DDX56: variants seen among roughly 807,000 people sequenced by gnomAD.
DDX56 encodes probable ATP-dependent RNA helicase DDX56.
DDX56 carries 45 observed loss-of-function variants against 61.5 expected under a neutral mutation model. The ratio of observed to expected loss-of-function variants is 0.73; its 90% CI spans 0.58 to 0.94. The LOEUF is 0.94. DDX56 is among the 40% of genes least tolerant of loss of function. The pLI is 0.00. For missense variants in DDX56, 708 were observed against 690.7 expected, an observed-to-expected ratio of 1.02 and a Z score of -0.28; for synonymous variants, 273 against 268.3, an observed-to-expected ratio of 1.02 and a Z score of -0.17.
rs1269571574 is a variant in DDX56, at chr7:44,565,960, T to C, written c.*42A>G. ...CGCCTGTCCACGAAGGGTGTAAGCCTGTGCTCCACAATGTGCTCAGCTCCA... is the reference window on the plus strand; with the variant it reads ...CGCCTGTCCACGAAGGGTGTAAGCCCGTGCTCCACAATGTGCTCAGCTCCA... On this transcript the variant is annotated 3_prime_UTR_variant, in exon 14 of 14. Coordinates refer to ENST00000258772, the MANE Select transcript of DDX56 (RefSeq NM_019082.4). 2 of 1,470,306 alleles carry C rather than the reference T, an allele frequency of 1.4e-6. No homozygotes were observed. Among genetic ancestry groups the C allele is most frequent in the Admixed American group, 3.4e-5 (2 of 58,030 alleles). 91.1% of individuals were successfully genotyped at this position (1,470,306 alleles called of 1,614,324 possible). A position where few individuals can be genotyped will look rare whatever the true frequency, so the allele number is the denominator to read the frequency against.
chr7:44,572,792 A>T, intron 3 of DDX56, 48 bp from the exon 4 acceptor site: 1 of 1,609,422 alleles, frequency 6.2e-7, no homozygotes, highest in Non-Finnish European at 8.5e-7. Context: ...AGCAGCTGGG[A>T]TCTCACCCTG....
intron 12 of DDX56, chr7:44,567,770 T>C (rs978304704): frequency 6.2e-5 from 22 of 356,556 alleles, no homozygotes; most frequent in Non-Finnish European, 1.1e-4. Context: ...CTCTGCCTCC[T>C]GCCCGTGACT....
At chr7:44,570,911 C>T in intron 6 of DDX56, 34 bp from the exon 7 acceptor site, 1 of 1,596,022 alleles carries the variant, frequency 6.3e-7, no homozygotes, top group Non-Finnish European at 8.6e-7. Context: ...ATCAGCTCAG[C>T]AGAGCAAGCT....
chr7:44,571,488 A>C lies in DDX56; in HGVS notation c.890+4T>G. On this transcript the variant is annotated splice_donor_region_variant and intron_variant, in intron 6 of 13. Transcript: ENST00000258772. Reference sequence around the variant, plus strand: ...TTTCAACCAAGATGTTGGCTGTGGCAGACCTGGAGCGCAGTGGAAGCTCTC... The same window carrying C: ...TTTCAACCAAGATGTTGGCTGTGGCCGACCTGGAGCGCAGTGGAAGCTCTC... The C allele has an allele frequency of 6.2e-7, 1 of 1,613,082 alleles. No individual in the cohort carries two copies. The highest frequency in any genetic ancestry group is 8.5e-7 in the Non-Finnish European group (1 of 1,179,100).
At chr7:44,570,676 T>C (rs1013040647) in intron 7 of DDX56, 82 bp downstream of exon 7, 4 of 1,523,738 alleles carry the variant, frequency 2.6e-6, no homozygotes, top group Non-Finnish European at 2.7e-6. Flanking sequence ...CTCCCTGCTC[T>C]GTGCACTCTG....
rs1388826463 is a variant in DDX56 at position 44,568,133 on chromosome 7, C to T, written c.1474G>A (p.Val492Ile). 1.2e-6 allele frequency: 2 copies of T among 1,613,916 alleles called. No homozygotes were observed. The highest frequency in any genetic ancestry group is 1.7e-6 in the Non-Finnish European group (2 of 1,179,902). ...CCACACTCACCCAGGTAGTCAGGAA[C>T]ATGGCCCAGGTGGGGCTTCACCACT... Reference protein sequence around the residue: ...PAVVKPHLGHVPDYLVPPALR... With the variant: ...PAVVKPHLGHIPDYLVPPALR... Residue 492 changes from valine to isoleucine, a missense_variant, in exon 12 of 14, where the codon GTT becomes ATT. Transcript: ENST00000258772.
At chr7:44,571,882 G>T in intron 5 of DDX56, 146 bp from the exon 6 acceptor site, 1 of 1,077,020 alleles carries the variant, frequency 9.3e-7, no homozygotes, top group Non-Finnish European at 1.3e-6. Context: ...CTCCAGTTTT[G>T]TAACCTAAAA....
At position 44,573,763 on chromosome 7, in the gene DDX56, G is replaced by A. The variant is rs774221618; in HGVS notation, c.61-19C>T. 6.2e-7 allele frequency: 1 copy of A among 1,613,494 alleles called. No individual in the cohort carries two copies. Among genetic ancestry groups the A allele is most frequent in the Non-Finnish European group, 8.5e-7 (1 of 1,179,978 alleles). ...TGACAGCCTAGGAGACCAGGAGTGCGGTTTAAGCGGCGTGAAGAGCGATGG... is the reference window on the plus strand; with the variant it reads ...TGACAGCCTAGGAGACCAGGAGTGCAGTTTAAGCGGCGTGAAGAGCGATGG... On this transcript the variant is annotated intron_variant, in intron 1 of 13. Coordinates refer to ENST00000258772, the MANE Select transcript of DDX56 (RefSeq NM_019082.4).
chr7:44,573,334 C>T (rs966694961), intron 2 of DDX56, among the ~76,000 whole-genome samples: 2 of 152,246 alleles, frequency 1.3e-5, no homozygotes, highest in Non-Finnish European at 2.9e-5. Context: ...GATAGATGTG[C>T]TCCCTTTTTA....
intron 6 of DDX56, 118 bp from the exon 7 acceptor site, chr7:44,570,995 C>T: frequency 7.7e-7 from 1 of 1,294,476 alleles, no homozygotes; most frequent in Non-Finnish European, 1.0e-6. Context: ...ATCTCTTTCC[C>T]TACTTAATCA....
chr7:44,571,340 C>T, intron 6 of DDX56, 152 bp downstream of exon 6: 1 of 922,216 alleles, frequency 1.1e-6, no homozygotes. Context: ...TGGTGCCCGG[C>T]CATGATAGGT....
chr7:44,571,732 G>A lies in DDX56; in HGVS notation c.650C>T (p.Thr217Ile). 1 of 1,613,760 alleles carries A rather than the reference G, an allele frequency of 6.2e-7. No homozygotes were observed. The highest frequency in any genetic ancestry group is 8.5e-7 in the Non-Finnish European group (1 of 1,179,926). The change falls in exon 6 of 14, where the codon ACC (threonine) becomes ATC (isoleucine). Residue 217 changes from threonine (T) to isoleucine (I), a missense_variant. Thr to Ile is a moderately conservative substitution (Grantham distance 89). Transcript: ENST00000258772. ...LKELILHNPV[T>I]LKLQESQLPG... ...CAGCTGGGACTCCTGTAACTTAAGG[G>A]TAACCTGGGGGAGAAAACAGGCCTG... is the stretch of plus-strand genomic sequence containing the variant.
rs200964208 is a variant in DDX56 at position 44,571,755 on chromosome 7, C to T, written c.646-19G>A. 8 of 1,612,600 alleles carry T rather than the reference C, an allele frequency of 5.0e-6. No individual in the cohort carries two copies. Among genetic ancestry groups the T allele is most frequent in the African/African-American group, 1.3e-5 (1 of 74,980 alleles). ...GGGTAACCTGGGGGAGAAAACAGGC[C>T]TGTGGTCAGAAAGGAAAAGAACACA... On this transcript the variant is annotated intron_variant, in intron 5 of 13. Coordinates refer to ENST00000258772, the MANE Select transcript of DDX56 (RefSeq NM_019082.4).
intron 12 of DDX56, among the ~76,000 whole-genome samples, chr7:44,566,895 C>T (rs951803698): frequency 6.6e-6 from 1 of 152,108 alleles, no homozygotes; most frequent in Non-Finnish European, 1.5e-5. Context: ...TCTATCTTCA[C>T]CTCGCCCACC....
chr7:44,570,224 T>A (rs775332864), intron 7 of DDX56, 96 bp from the exon 8 acceptor site: 10 of 1,460,482 alleles, frequency 6.8e-6, no homozygotes, highest in Non-Finnish European at 8.4e-6. Flanking sequence ...TGCCTGTAGA[T>A]CATAAGACCC....
chr7:44,569,388 G>A (rs1802618092), intron 9 of DDX56, among the ~76,000 whole-genome samples, 185 bp from the exon 10 acceptor site: 1 of 152,200 alleles, frequency 6.6e-6, no homozygotes, highest in Non-Finnish European at 1.5e-5. Context: ...GTCCCCGTGT[G>A]TGGATGGGGG....
At chr7:44,569,960 C>A in intron 8 of DDX56, 55 bp downstream of exon 8, 1 of 1,612,950 alleles carries the variant, frequency 6.2e-7, no homozygotes, top group South Asian at 1.1e-5. Flanking sequence ...GTCCAGCACA[C>A]CCCAAGTCCC....
chr7:44,571,560 T>C lies in DDX56; in HGVS notation c.822A>G (p.Leu274=), dbSNP rs1802671037. ...FVNTLERSYR[L]RLFLEQFSIP... ...TGCTGAACTGTTCCAAGAACAGGCG[T>C]AGCCGGTAACTCCGTTCTAGAGTGT... The change falls in exon 6 of 14, where the codon CTA becomes CTG. Residue 274 remains leucine, a synonymous_variant. Transcript: ENST00000258772. 2 of 1,614,040 alleles carry C rather than the reference T, an allele frequency of 1.2e-6. No individual in the cohort carries two copies. Among genetic ancestry groups the C allele is most frequent in the Non-Finnish European group, 8.5e-7 (1 of 1,180,044 alleles).
intron 13 of DDX56, 66 bp from the exon 14 acceptor site, chr7:44,566,145 AC>A: frequency 2.2e-6 from 1 of 463,712 alleles, no homozygotes; most frequent in Non-Finnish European, 2.8e-6. Context: ...CCACCCACCC[AC>A]CCAACTGAGA....
Sources: gnomAD v4.1 joint callset for allele counts (sites outside exome capture counted in the v4.1 genomes callset) on GRCh38, gnomAD v4.1.1 for gene constraint, MANE v1.5 for transcripts, NCBI Gene and HGNC (gene_info 2026-07-23, HGNC 2026-07-21) for gene names.